ADGRB3: variants seen among roughly 807,000 people sequenced by gnomAD.
ADGRB3 encodes the protein adhesion G protein-coupled receptor B3, also known as brain-specific angiogenesis inhibitor 3.
In ADGRB3, 37 loss-of-function variants were observed where a neutral mutation model predicts 193.4. That is an observed-to-expected ratio of 0.19 (90% CI 0.15 to 0.25). The LOEUF is 0.25. Among genes scored for constraint, ADGRB3 ranks in the 10% least tolerant of loss-of-function variants. ADGRB3 has a pLI of 1.00. For synonymous variants in ADGRB3, 690 were observed against 644.2 expected, an observed-to-expected ratio of 1.07 and a Z score of -1.08; for missense variants, 1,637 against 1,852.9, an observed-to-expected ratio of 0.88 and a Z score of 2.14.
At chr6:68,710,409 A>T (rs969407813) in intron 3 of ADGRB3, among the ~76,000 whole-genome samples, 2 of 151,652 alleles carry the variant, frequency 1.3e-5, no homozygotes, top group Admixed American at 6.6e-5. Context: ...TTTATTACTA[A>T]TTTTTTTGTA....
intron 16 of ADGRB3, among the ~76,000 whole-genome samples, chr6:69,067,843 T>A (rs897213960): frequency 6.6e-6 from 1 of 152,188 alleles, no homozygotes; most frequent in African/African-American, 2.4e-5. Flanking sequence ...ATCCTTCTCA[T>A]GTTTCAAATT....
intron 20 of ADGRB3, among the ~76,000 whole-genome samples, chr6:69,287,648 A>G (rs1767580776): frequency 6.6e-6 from 1 of 152,208 alleles, no homozygotes; most frequent in Non-Finnish European, 1.5e-5. Context: ...GAGAGAAATG[A>G]AAAATGATAG....
chr6:68,753,935 AT>A (rs1766251863), intron 3 of ADGRB3, among the ~76,000 whole-genome samples: 1 of 152,164 alleles, frequency 6.6e-6, no homozygotes, highest in Admixed American at 6.5e-5. Context: ...AAATTAAATC[AT>A]TTGAAATAGT....
chr6:68,709,718 C>T (rs1765379449), intron 3 of ADGRB3, among the ~76,000 whole-genome samples: 1 of 152,064 alleles, frequency 6.6e-6, no homozygotes. Flanking sequence ...AAGGACATAG[C>T]TCATAAATTA....
chr6:69,360,836 T>C (rs760328196), intron 28 of ADGRB3, 33 bp from the exon 29 acceptor site: 9 of 1,533,430 alleles, frequency 5.9e-6, no homozygotes. Flanking sequence ...ACACATTAAC[T>C]CTCTTTCTTC....
rs548274558 is a variant in ADGRB3 at position 68,738,556 on chromosome 6, T to C, written c.757+99124T>C. 2.0e-5 allele frequency among the ~76,000 whole-genome samples: 3 copies of C among 152,234 alleles called. No homozygotes were observed. The East Asian group carries it at 5.8e-4, about 29-fold the overall frequency. On this transcript the variant is annotated intron_variant, in intron 3 of 31. Transcript: ENST00000370598. ...GGCTAGAGGGAGAAGGTCGTGAAGA[T>C]AATGAGAAATTATTTGAGTCTGGCT...
intron 17 of ADGRB3, among the ~76,000 whole-genome samples, chr6:69,172,672 AG>A (rs561601124): frequency 0.024 from 2,960 of 122,414 alleles, 757 homozygotes; most frequent in Middle Eastern, 0.051. Flanking sequence ...AAAAAAAAAA[AG>A]AGAAATAAAG....
At chr6:69,205,031 A>T (rs1048984925) in intron 17 of ADGRB3, among the ~76,000 whole-genome samples, 2 of 152,196 alleles carry the variant, frequency 1.3e-5, no homozygotes, top group South Asian at 2.1e-4. Context: ...TAATATGCTC[A>T]TACACTTTTT....
intron 29 of ADGRB3, among the ~76,000 whole-genome samples, chr6:69,367,610 C>A (rs1471370538): frequency 1.3e-5 from 2 of 151,844 alleles, no homozygotes; most frequent in Non-Finnish European, 2.9e-5. Context: ...TCTCTGATGG[C>A]CAGTGATGAT....
At chr6:68,924,907 T>A (rs189323365) in intron 3 of ADGRB3, among the ~76,000 whole-genome samples, 1 of 151,844 alleles carries the variant, frequency 6.6e-6, no homozygotes, top group South Asian at 2.1e-4. Context: ...TGTAAATATA[T>A]CCCAATATTT....
intron 3 of ADGRB3, among the ~76,000 whole-genome samples, chr6:68,732,164 A>C (rs1765787324): frequency 6.6e-6 from 1 of 151,830 alleles, no homozygotes; most frequent in Non-Finnish European, 1.5e-5. Flanking sequence ...AATATTTTAA[A>C]TATTGAACTA....
At chr6:68,984,019 G>A (rs534688279) in intron 10 of ADGRB3, among the ~76,000 whole-genome samples, 1 of 152,218 alleles carries the variant, frequency 6.6e-6, no homozygotes, top group East Asian at 1.9e-4. Flanking sequence ...AGGTCTTTAA[G>A]AAAGCAAAAA....
intron 3 of ADGRB3, among the ~76,000 whole-genome samples, chr6:68,721,524 T>A (rs558182772): frequency 6.6e-6 from 1 of 151,444 alleles, no homozygotes; most frequent in South Asian, 2.1e-4. Flanking sequence ...ATACCTAATG[T>A]AAATGACGAG....
intron 17 of ADGRB3, among the ~76,000 whole-genome samples, chr6:69,190,314 C>T (rs1040162909): frequency 6.6e-5 from 10 of 152,038 alleles, no homozygotes; most frequent in South Asian, 6.2e-4. Context: ...GTAATACTGA[C>T]GATCCCGACC....
In ADGRB3 at chr6:69,255,582, T is replaced by A. The variant is rs137888997; in HGVS notation, c.2814+16356T>A. On this transcript the variant is annotated intron_variant, in intron 20 of 31. Coordinates refer to ENST00000370598, the MANE Select transcript of ADGRB3 (RefSeq NM_001704.3). ...TTTTCTTGTAAATTTGTTTAAGTTC[T>A]TTGTAGATTCTGGATATTAGCCCTT... Among the ~76,000 whole-genome samples the A allele has an allele frequency of 3.3e-3, 495 of 152,274 alleles. 1 individual carries two copies. Among genetic ancestry groups the A allele is most frequent in the African/African-American group, 0.011 (468 of 41,556 alleles).
chr6:68,676,899 C>A (rs940806589), intron 3 of ADGRB3, among the ~76,000 whole-genome samples: 3 of 151,902 alleles, frequency 2.0e-5, no homozygotes, highest in African/African-American at 7.3e-5. Context: ...TTCTAATAGT[C>A]CCTAATCAAA....
At chr6:68,827,672 G>C (rs1767870795) in intron 3 of ADGRB3, among the ~76,000 whole-genome samples, 2 of 151,868 alleles carry the variant, frequency 1.3e-5, no homozygotes, top group Admixed American at 1.3e-4. Flanking sequence ...TTTTTGGGGG[G>C]GAGGGGGTTC....
At chr6:68,960,905 T>C (rs73465383) in intron 8 of ADGRB3, among the ~76,000 whole-genome samples, 1,821 of 152,242 alleles carry the variant, frequency 0.012, 32 homozygotes, top group African/African-American at 0.039. Flanking sequence ...TCCTTTCAGT[T>C]GCACTAACTT....
intron 28 of ADGRB3, among the ~76,000 whole-genome samples, chr6:69,356,070 G>A (rs566923498): frequency 6.6e-6 from 1 of 152,240 alleles, no homozygotes; most frequent in African/African-American, 2.4e-5. Context: ...TAGGATATTA[G>A]GGAACTTACA....
Sources: gnomAD v4.1 joint callset for allele counts (sites outside exome capture counted in the v4.1 genomes callset) on GRCh38, gnomAD v4.1.1 for gene constraint, MANE v1.5 for transcripts, NCBI Gene and HGNC (gene_info 2026-07-23, HGNC 2026-07-21) for gene names.